PCDHGA6: variants seen among roughly 807,000 people sequenced by gnomAD.
The protein encoded by PCDHGA6 is protocadherin gamma-A6.
In PCDHGA6, 41 loss-of-function variants were observed where a neutral mutation model predicts 60.6. That is an observed-to-expected ratio of 0.68 (90% CI 0.53 to 0.88). The LOEUF is 0.88. PCDHGA6 is among the 40% of genes least tolerant of loss of function. PCDHGA6 has a pLI of 0.00. For missense variants in PCDHGA6, 1,312 were observed against 1,203.0 expected (o/e 1.09, Z -1.34); for synonymous variants, 594 against 524.4 (o/e 1.13, Z -1.81).
In PCDHGA6 at chr5:141,476,254, T is replaced by C; in HGVS notation, c.2425-18553T>C. 1.2e-6 allele frequency: 2 copies of C among 1,613,820 alleles called. No individual in the cohort carries two copies. Among genetic ancestry groups the C allele is most frequent in the Non-Finnish European group, 8.5e-7 (1 of 1,179,976 alleles). On this transcript the variant is annotated intron_variant, in intron 1 of 3. Transcript: ENST00000517434. The surrounding 1 kb of genome is among the most constrained non-coding windows in gnomAD (Gnocchi z 7.6). ...CGGAGGAAAGAGAGAAGGGTTTCGCTGTGGGCAACGTGGTCGCGAACCTTG... is the reference window on the plus strand; with the variant it reads ...CGGAGGAAAGAGAGAAGGGTTTCGCCGTGGGCAACGTGGTCGCGAACCTTG...
At chr5:141,384,371 T>G (rs1780015620) in intron 1 of PCDHGA6, 2 of 1,613,920 alleles carry the variant, frequency 1.2e-6, no homozygotes, top group Non-Finnish European at 1.7e-6. Context: ...ACTTATTCCT[T>G]GGCCGAAGAC....
intron 3 of PCDHGA6, among the ~76,000 whole-genome samples, chr5:141,506,116 A>T: frequency 6.6e-6 from 1 of 152,136 alleles, no homozygotes; most frequent in East Asian, 1.9e-4. Flanking sequence ...AAGAGTCACT[A>T]GGGCCCAGAG....
rs192995605 is a variant in PCDHGA6 at position 141,395,094 on chromosome 5, G to C, written c.2424+18587G>C. 2.2e-4 allele frequency: 348 copies of C among 1,614,160 alleles called. 5 individuals carry two copies. The East Asian group carries it at 7.6e-3, about 35-fold the overall frequency. ...CTATTCCCAGGAAGTCTCCCTCACC[G>C]CCGACTCGCGGAAGAGTCACCTGAT... On this transcript the variant is annotated intron_variant, in intron 1 of 3. Transcript: ENST00000517434.
chr5:141,423,706 A>C (rs1045905298), intron 1 of PCDHGA6: 1 of 1,231,762 alleles, frequency 8.1e-7, no homozygotes, highest in Admixed American at 3.4e-5. Context: ...TCTTGGCACA[A>C]GTCTTTTAAG....
chr5:141,487,323 G>A lies in PCDHGA6; in HGVS notation c.2425-7484G>A, dbSNP rs374901235. Reference sequence around the variant, plus strand: ...GTGGCACTACTCTCTAAGTGTCTTCGTGGGGCAGCCTGTGGAGTCACATGC... The same window carrying A: ...GTGGCACTACTCTCTAAGTGTCTTCATGGGGCAGCCTGTGGAGTCACATGC... On this transcript the variant is annotated intron_variant, in intron 1 of 3. Coordinates refer to ENST00000517434, the MANE Select transcript of PCDHGA6 (RefSeq NM_018919.3). The surrounding 1 kb of genome is among the most constrained non-coding windows in gnomAD (Gnocchi z 5.0). 4.0e-5 allele frequency: 65 copies of A among 1,613,982 alleles called. No homozygotes were observed. Among genetic ancestry groups the A allele is most frequent in the Non-Finnish European group, 4.7e-5 (56 of 1,180,012 alleles).
chr5:141,383,984 T>C, intron 1 of PCDHGA6: 1 of 1,613,834 alleles, frequency 6.2e-7, no homozygotes, highest in African/African-American at 1.3e-5. Context: ...GACACACCTC[T>C]TGGGACAGTC....
intron 1 of PCDHGA6, chr5:141,414,124 G>T (rs1214312992): frequency 6.3e-7 from 1 of 1,592,872 alleles, no homozygotes; most frequent in East Asian, 2.3e-5. Flanking sequence ...TGAAGAAACC[G>T]GTTTCTATGA....
chr5:141,473,796 G>A (rs2099328996), intron 1 of PCDHGA6, among the ~76,000 whole-genome samples: 1 of 152,224 alleles, frequency 6.6e-6, no homozygotes, highest in African/African-American at 2.4e-5. Context: ...GCAGTATGAT[G>A]CTACTGAGGA....
chr5:141,499,533 G>T (rs2099792525), intron 2 of PCDHGA6, among the ~76,000 whole-genome samples: 1 of 152,086 alleles, frequency 6.6e-6, no homozygotes, highest in African/African-American at 2.4e-5. Flanking sequence ...AGAGAGAATG[G>T]TGTCATGAAC....
At chr5:141,395,009 G>A (rs371216255) in intron 1 of PCDHGA6, 168 of 1,613,918 alleles carry the variant, frequency 1.0e-4, no homozygotes, top group Non-Finnish European at 1.4e-4. Flanking sequence ...GTGGCAGATT[G>A]GTAGGCGTGC....
intron 1 of PCDHGA6, chr5:141,408,300 T>TC: frequency 6.2e-7 from 1 of 1,613,732 alleles, no homozygotes; most frequent in South Asian, 1.1e-5. Context: ...AGTGAGCCGA[T>TC]CCGCTACTCG....
intron 1 of PCDHGA6, chr5:141,421,914 T>C: frequency 4.3e-6 from 7 of 1,613,742 alleles, no homozygotes; most frequent in Non-Finnish European, 5.9e-6. Flanking sequence ...CAGTTCCCAT[T>C]CGTGTGGTGG....
chr5:141,446,253 A>T (rs1452074783), intron 1 of PCDHGA6, among the ~76,000 whole-genome samples: 3 of 152,164 alleles, frequency 2.0e-5, no homozygotes, highest in African/African-American at 7.2e-5. Context: ...CTTCAGTGAA[A>T]TATTATTAAC....
intron 1 of PCDHGA6, chr5:141,492,018 G>A: frequency 1.7e-6 from 1 of 585,594 alleles, no homozygotes; most frequent in Admixed American, 3.7e-5. Flanking sequence ...GGGTGTCGGG[G>A]GTCCCGGGAG....
At chr5:141,498,318 G>T (rs927950671) in intron 2 of PCDHGA6, among the ~76,000 whole-genome samples, 2 of 151,792 alleles carry the variant, frequency 1.3e-5, no homozygotes, top group African/African-American at 4.8e-5. Flanking sequence ...TGCCTACACA[G>T]AAGGAAGAGC....
intron 1 of PCDHGA6, chr5:141,418,910 T>C: frequency 6.2e-7 from 1 of 1,613,936 alleles, no homozygotes; most frequent in East Asian, 2.2e-5. Flanking sequence ...AATCATCACG[T>C]CACTCTCTGA....
At chr5:141,423,225 C>T (rs763729316) in intron 1 of PCDHGA6, 3 of 1,613,804 alleles carry the variant, frequency 1.9e-6, no homozygotes, top group South Asian at 1.1e-5. Context: ...TGGCTGTGGC[C>T]GACAGCATCC....
At chr5:141,433,066 C>A in intron 1 of PCDHGA6, 2 of 1,614,210 alleles carry the variant, frequency 1.2e-6, no homozygotes, top group Non-Finnish European at 1.7e-6. Context: ...GTCACCTGAT[C>A]TTCCCCCAGC....
At chr5:141,398,415 C>T (rs2093654537) in intron 1 of PCDHGA6, 2 of 1,487,146 alleles carry the variant, frequency 1.3e-6, no homozygotes, top group Non-Finnish European at 1.9e-6. Context: ...AGGAGATATG[C>T]GGGAAGAAGC....
Sources: gnomAD v4.1 joint callset for allele counts (sites outside exome capture counted in the v4.1 genomes callset) on GRCh38, gnomAD v4.1.1 for gene constraint, Gnocchi (gnomAD v3.1) non-coding constraint, MANE v1.5 for transcripts, NCBI Gene and HGNC (gene_info 2026-07-23, HGNC 2026-07-21) for gene names.